Variants in ZCCHC14 observed in about 807,000 individuals in gnomAD.
The protein encoded by ZCCHC14 is zinc finger CCHC domain-containing protein 14.
In ZCCHC14, 16 loss-of-function variants were observed where a neutral mutation model predicts 85.0. The observed-to-expected ratio is 0.19, with a 90% confidence interval of 0.13 to 0.29. The LOEUF (loss-of-function observed/expected upper bound fraction) is 0.29. Ranked by LOEUF, ZCCHC14 falls within the 10% of genes least tolerant of loss-of-function variation. The pLI, the probability that ZCCHC14 is intolerant of heterozygous loss-of-function variation, is 1.00. For missense variants in ZCCHC14, 1,303 were observed against 1,443.5 expected, an observed-to-expected ratio of 0.90 and a Z score of 1.58; for synonymous variants, 775 against 630.7, an observed-to-expected ratio of 1.23 and a Z score of -3.43.
chr16:87,463,422 T>C (rs1439548919), intron 1 of ZCCHC14, among the ~76,000 whole-genome samples: 2 of 152,190 alleles, frequency 1.3e-5, no homozygotes, highest in African/African-American at 2.4e-5. Flanking sequence ...CCCATTCGAT[T>C]TGGCCTGATG....
At chr16:87,425,583 A>G (rs1160898194) in intron 3 of ZCCHC14, among the ~76,000 whole-genome samples, 1 of 151,830 alleles carries the variant, frequency 6.6e-6, no homozygotes. Flanking sequence ...TCAAAAAAAA[A>G]AAAGAAAGAA....
At chr16:87,487,167 G>A (rs533143891) in intron 1 of ZCCHC14, among the ~76,000 whole-genome samples, 1 of 152,320 alleles carries the variant, frequency 6.6e-6, no homozygotes, top group East Asian at 1.9e-4. Flanking sequence ...AGTTTCCACA[G>A]TGCTTATCCT....
chr16:87,420,864 G>C lies in ZCCHC14; in HGVS notation c.841-148C>G, dbSNP rs1909059357. ...TACACCTCCCGTCAGAGCTATTCTG[G>C]GGCCCACATCCACTTAGGGTGTAGA... On this transcript the variant is annotated intron_variant, in intron 4 of 12. Transcript: ENST00000671377. The surrounding 1 kb of genome is among the most constrained non-coding windows in gnomAD (Gnocchi z 5.0). 2 of 586,816 alleles carry C rather than the reference G, an allele frequency of 3.4e-6. No homozygotes were observed. 36.4% of individuals were successfully genotyped at this position (586,816 alleles called of 1,614,324 possible).
intron 3 of ZCCHC14, among the ~76,000 whole-genome samples, chr16:87,426,591 C>T (rs949408220): frequency 3.9e-5 from 6 of 152,216 alleles, no homozygotes; most frequent in African/African-American, 9.7e-5. Flanking sequence ...CAGCCTCCCC[C>T]TCCAGAGCCA....
chr16:87,467,422 A>G (rs1911575175), intron 1 of ZCCHC14: 3 of 1,603,094 alleles, frequency 1.9e-6, no homozygotes, highest in Non-Finnish European at 2.6e-6. Context: ...CCTGGAGCAA[A>G]TATGATTGGT....
At chr16:87,465,561 G>T (rs1157180557) in intron 1 of ZCCHC14, among the ~76,000 whole-genome samples, 3 of 152,174 alleles carry the variant, frequency 2.0e-5, no homozygotes, top group African/African-American at 7.2e-5. Context: ...GGGGCACCTG[G>T]ACTTGGGCAG....
At chr16:87,474,649 C>G (rs143396407) in intron 1 of ZCCHC14, among the ~76,000 whole-genome samples, 3 of 152,204 alleles carry the variant, frequency 2.0e-5, no homozygotes. Flanking sequence ...GGGGCAGAAC[C>G]TGGTCCTCCT....
At chr16:87,426,436 T>C (rs1334864594) in intron 3 of ZCCHC14, among the ~76,000 whole-genome samples, 1 of 152,220 alleles carries the variant, frequency 6.6e-6, no homozygotes, top group Admixed American at 6.5e-5. Context: ...TACTTAGCCT[T>C]ATCTGGACGA....
rs370325176 is a variant in ZCCHC14, at chr16:87,426,521, G to A, written c.769-2640C>T. ...GTGCATGCTCAGGATGTCCTCACAC[G>A]CAGGGTCTAGTTCCTCCGGCTCACT... On this transcript the variant is annotated intron_variant, in intron 3 of 12. Coordinates refer to ENST00000671377, the MANE Select transcript of ZCCHC14 (RefSeq NM_015144.3). Among the ~76,000 whole-genome samples the A allele has an allele frequency of 1.6e-4, 24 of 152,302 alleles. No individual in the cohort carries two copies. In the East Asian group the frequency reaches 1.7e-3, roughly 11 times the overall value.
At chr16:87,433,253 C>A in intron 2 of ZCCHC14, 52 bp from the exon 3 acceptor site, 1 of 1,533,202 alleles carries the variant, frequency 6.5e-7, no homozygotes, top group South Asian at 1.1e-5. Flanking sequence ...GAAGTATATA[C>A]ATGATTATTT....
intron 3 of ZCCHC14, among the ~76,000 whole-genome samples, chr16:87,428,597 C>A (rs1012221030): frequency 1.3e-5 from 2 of 152,106 alleles, no homozygotes; most frequent in African/African-American, 4.8e-5. Flanking sequence ...ATGAACTGCA[C>A]GTATTTAAAG....
chr16:87,491,707 G>A lies in ZCCHC14; in HGVS notation c.532C>T (p.Pro178Ser). 1.3e-6 allele frequency: 2 copies of A among 1,495,388 alleles called. No homozygotes were observed. Among genetic ancestry groups the A allele is most frequent in the Non-Finnish European group, 1.8e-6 (2 of 1,130,270 alleles). 92.6% of individuals were successfully genotyped at this position (1,495,388 alleles called of 1,614,324 possible). ...GGHGGKGAPG[P>S]GGALPTCPAC... ...GGGCAAGTGGGCAGCGCGCCGCCCGGCCCGGGCGCGCCCTTGCCGCCGTGG... is the reference window on the plus strand; with the variant it reads ...GGGCAAGTGGGCAGCGCGCCGCCCGACCCGGGCGCGCCCTTGCCGCCGTGG... The change falls in exon 1 of 13, where the codon CCG (proline) becomes TCG (serine). Residue 178 changes from proline (P) to serine (S), a missense_variant. Pro to Ser is a moderately conservative substitution (Grantham distance 74). Coordinates refer to ENST00000671377, the MANE Select transcript of ZCCHC14 (RefSeq NM_015144.3). This position sits in a 1 kb window ranked among gnomAD's most constrained non-coding sequence, Gnocchi z 5.9.
At chr16:87,464,921 C>T (rs541129677) in intron 1 of ZCCHC14, among the ~76,000 whole-genome samples, 1 of 152,292 alleles carries the variant, frequency 6.6e-6, no homozygotes, top group African/African-American at 2.4e-5. Flanking sequence ...GAAGACTGAC[C>T]GGCTCCAAAG....
intron 1 of ZCCHC14, among the ~76,000 whole-genome samples, chr16:87,485,332 T>C (rs1375037839): frequency 6.6e-6 from 1 of 152,260 alleles, no homozygotes; most frequent in Admixed American, 6.5e-5. Flanking sequence ...AGAATTAACC[T>C]ATTTTGTTAG....
At chr16:87,427,533 C>G (rs1909435842) in intron 3 of ZCCHC14, among the ~76,000 whole-genome samples, 1 of 152,152 alleles carries the variant, frequency 6.6e-6, no homozygotes, top group African/African-American at 2.4e-5. Context: ...GTGCTTCAGC[C>G]ACCCAAGTGA....
In ZCCHC14 at chr16:87,412,891, C is replaced by A; in HGVS notation, c.1830G>T (p.Thr610=). 1.2e-6 allele frequency: 2 copies of A among 1,603,352 alleles called. No individual in the cohort carries two copies. The highest frequency in any genetic ancestry group is 1.7e-6 in the Non-Finnish European group (2 of 1,173,980). ...NHFTSSSARP[T]AQVLPVQNEA... is the part of the protein sequence containing the mutation. ...CATTCTGCACAGGGAGAACCTGGGC[C>A]GTGGGTCTGGCGGAACTGGAAGTGA... The change falls in exon 12 of 13, where the codon ACG becomes ACT. Residue 610 remains threonine, a synonymous_variant. Transcript: ENST00000671377.
At chr16:87,456,561 A>G (rs866104351) in intron 2 of ZCCHC14, among the ~76,000 whole-genome samples, 2,486 of 147,820 alleles carry the variant, frequency 0.017, 88 homozygotes, top group Middle Eastern at 0.049. Context: ...AAAAAAAAAA[A>G]AATTTAGATT....
intron 2 of ZCCHC14, among the ~76,000 whole-genome samples, chr16:87,438,742 C>G (rs1178046977): frequency 6.6e-6 from 1 of 152,158 alleles, no homozygotes; most frequent in African/African-American, 2.4e-5. Context: ...TGCCCCCGGT[C>G]TTCCTCCTGC....
Position 87,419,019 on chromosome 16 carries a change from C to A in ZCCHC14, c.1046-118G>T, listed in dbSNP as rs1027899726. On this transcript the variant is annotated intron_variant, in intron 6 of 12. Coordinates refer to ENST00000671377, the MANE Select transcript of ZCCHC14 (RefSeq NM_015144.3). Reference sequence around the variant, plus strand: ...TTGCCCAGGCTGGAGAGCAATGGTGCGATCTCGGCTCACTGCAACCTCTGC... The same window carrying A: ...TTGCCCAGGCTGGAGAGCAATGGTGAGATCTCGGCTCACTGCAACCTCTGC... 6 of 931,336 alleles carry A rather than the reference C, an allele frequency of 6.4e-6. No homozygotes were observed. In the African/African-American group the frequency reaches 1.0e-4, roughly 15 times the overall value. 57.7% of individuals were successfully genotyped at this position (931,336 alleles called of 1,614,324 possible). A position where few individuals can be genotyped will look rare whatever the true frequency, so the allele number is the denominator to read the frequency against.
Sources: gnomAD v4.1 joint callset for allele counts (sites outside exome capture counted in the v4.1 genomes callset) on GRCh38, gnomAD v4.1.1 for gene constraint, Gnocchi (gnomAD v3.1) non-coding constraint, MANE v1.5 for transcripts, NCBI Gene and HGNC (gene_info 2026-07-23, HGNC 2026-07-21) for gene names.